BRSK1: variants seen among roughly 807,000 people sequenced by gnomAD.
BRSK1 encodes the protein serine/threonine-protein kinase BRSK1.
BRSK1 carries 17 observed loss-of-function variants against 86.2 expected under a neutral mutation model. The observed-to-expected ratio is 0.20, with a 90% CI of 0.14 to 0.30. The LOEUF (loss-of-function observed/expected upper bound fraction) is 0.30, where lower values mean the gene tolerates loss of function less well. Ranked by LOEUF, BRSK1 falls within the 10% of genes least tolerant of loss-of-function variation. BRSK1 has a pLI of 1.00. For missense variants in BRSK1, 719 were observed against 1,071.9 expected (o/e 0.67, Z 4.60); for synonymous variants, 464 against 440.1 (o/e 1.05, Z -0.68).
chr19:55,285,640 G>A (rs1386690418), intron 1 of BRSK1, among the ~76,000 whole-genome samples: 1 of 152,268 alleles, frequency 6.6e-6, no homozygotes, highest in South Asian at 2.1e-4. Flanking sequence ...TGCAGCAGGC[G>A]CGTCTCCTGG....
Position 55,306,392 on chromosome 19 carries a change from G to T in BRSK1, c.2031G>T (p.Pro677=). 1 of 1,613,940 alleles carries T rather than the reference G, an allele frequency of 6.2e-7. No individual in the cohort carries two copies. Among genetic ancestry groups the T allele is most frequent in the Non-Finnish European group, 8.5e-7 (1 of 1,180,028 alleles). Residue 677 remains proline, a synonymous_variant, in exon 17 of 19, where the codon CCG becomes CCT. Coordinates refer to ENST00000309383, the MANE Select transcript of BRSK1 (RefSeq NM_032430.2). The surrounding 1 kb of genome is among the most constrained non-coding windows in gnomAD (Gnocchi z 4.7). ...CCTCTGAGGGTCCAGAGCCCTCCCC[G>T]CGACGGGACGGCAGCGGAGGTGGTG... ...ISSSEGPEPS[P]RRDGSGGGGI...
In BRSK1 at chr19:55,302,383, G is replaced by A. The variant is rs1273069973; in HGVS notation, c.857+215G>A. 4 of 632,138 alleles carry A rather than the reference G, an allele frequency of 6.3e-6. No individual in the cohort carries two copies. The East Asian group carries it at 8.2e-5, about 13-fold the overall frequency. 39.2% of individuals were successfully genotyped at this position (632,138 alleles called of 1,614,324 possible). ...CTAAGCTAGGAGTCCAGGACTCCCAGGTTTGAGGGAAAAAGGGACTGGGGG... is the reference window on the plus strand; with the variant it reads ...CTAAGCTAGGAGTCCAGGACTCCCAAGTTTGAGGGAAAAAGGGACTGGGGG... On this transcript the variant is annotated intron_variant, in intron 9 of 18. Transcript: ENST00000309383. The surrounding 1 kb of genome is among the most constrained non-coding windows in gnomAD (Gnocchi z 6.3).
chr19:55,301,414 C>T, intron 7 of BRSK1, 98 bp from the exon 8 acceptor site: 3 of 1,438,278 alleles, frequency 2.1e-6, no homozygotes, highest in Non-Finnish European at 2.8e-6. Flanking sequence ...CCTCAGTTTC[C>T]AACCCCTTAA....
At chr19:55,296,139 C>CCA (rs925954711) in intron 7 of BRSK1, among the ~76,000 whole-genome samples, 4 of 152,032 alleles carry the variant, frequency 2.6e-5, no homozygotes, top group Non-Finnish European at 5.9e-5. Flanking sequence ...TCCCCTGCCC[C>CCA]CACTCCTCCT....
At chr19:55,301,372 G>A in intron 7 of BRSK1, 140 bp from the exon 8 acceptor site, 3 of 1,021,462 alleles carry the variant, frequency 2.9e-6, no homozygotes, top group Non-Finnish European at 4.2e-6. Flanking sequence ...GACGAGCTAG[G>A]GGCCTTTGGC....
chr19:55,301,459 T>C (rs2088568149), intron 7 of BRSK1, 53 bp from the exon 8 acceptor site: 1 of 1,587,822 alleles, frequency 6.3e-7, no homozygotes, highest in African/African-American at 1.3e-5. Flanking sequence ...CCTCCAGTGC[T>C]TGTGGTGAGG....
chr19:55,305,798 A>G (rs757832796), intron 16 of BRSK1, among the ~76,000 whole-genome samples: 32 of 152,192 alleles, frequency 2.1e-4, no homozygotes, highest in Non-Finnish European at 3.7e-4. Flanking sequence ...CTGAATTGCA[A>G]TGTCCTCAAG....
At chr19:55,305,441 C>T (rs545094297) in intron 15 of BRSK1, 22 bp from the exon 16 acceptor site, 2 of 1,614,138 alleles carry the variant, frequency 1.2e-6, no homozygotes, top group South Asian at 2.2e-5. Context: ...TAACCCTCCT[C>T]CAACCACCCC....
chr19:55,292,620 C>T lies in BRSK1; in HGVS notation c.459-1397C>T, dbSNP rs563846005. On this transcript the variant is annotated intron_variant, in intron 4 of 18. Transcript: ENST00000309383. ...AGGCCGAGGCAGGTGGATTACCTGA[C>T]GTGAAGAGTTCGAGACCAGCCTGGC... Among the ~76,000 whole-genome samples, 87 of 150,852 alleles carry T rather than the reference C, an allele frequency of 5.8e-4. No individual in the cohort carries two copies. The Middle Eastern group carries it at 0.014, about 24-fold the overall frequency.
rs975180264 is a variant in BRSK1, at chr19:55,287,733, T to G, written c.317+434T>G. On this transcript the variant is annotated intron_variant, in intron 3 of 18. Transcript: ENST00000309383. The surrounding 1 kb of genome is among the most constrained non-coding windows in gnomAD (Gnocchi z 5.3). ...GCCCCCCTCCTCCCCCGGCATAACTTCGGGTGCCGTGGCTGGACACCCCAA... is the reference window on the plus strand; with the variant it reads ...GCCCCCCTCCTCCCCCGGCATAACTGCGGGTGCCGTGGCTGGACACCCCAA... Among the ~76,000 whole-genome samples, 2 of 152,164 alleles carry G rather than the reference T, an allele frequency of 1.3e-5. No individual in the cohort carries two copies. The highest frequency in any genetic ancestry group is 4.8e-5 in the African/African-American group (2 of 41,436).
Position 55,312,113 on chromosome 19 carries a change from CCGTGCCCCCCAA to C in BRSK1, c.*47_*58del. The C allele has an allele frequency of 1.2e-6, 1 of 830,464 alleles. No homozygotes were observed. The highest frequency in any genetic ancestry group is 1.8e-5 in the African/African-American group (1 of 55,832). The allele number at this position is 830,464 out of a possible 1,614,324, so 51.4% of individuals were successfully genotyped here. ...GAGGGGACCCCCCTCCACCCCCCTT[CCGTGCCCCCCAA>C]CTGTGAATCTGTAAATAAGGCCCAA... On this transcript the variant is annotated 3_prime_UTR_variant, in exon 19 of 19. Coordinates refer to ENST00000309383, the MANE Select transcript of BRSK1 (RefSeq NM_032430.2).
chr19:55,305,676 G>A (rs2088639807), intron 16 of BRSK1, 90 bp downstream of exon 16: 3 of 1,569,732 alleles, frequency 1.9e-6, no homozygotes, highest in Non-Finnish European at 2.6e-6. Flanking sequence ...CATAGGCCTG[G>A]CTTCCTCCTG....
At chr19:55,295,492 T>A (rs114424656) in intron 7 of BRSK1, among the ~76,000 whole-genome samples, 2,338 of 152,152 alleles carry the variant, frequency 0.015, 69 homozygotes, top group African/African-American at 0.054. Flanking sequence ...ATCCTGGAGT[T>A]CCCCCACTCT....
At chr19:55,299,865 G>A (rs142398105) in intron 7 of BRSK1, among the ~76,000 whole-genome samples, 5 of 152,022 alleles carry the variant, frequency 3.3e-5, no homozygotes, top group Admixed American at 6.6e-5. Flanking sequence ...CCCATTCTCC[G>A]TCCACAGGCC....
At position 55,304,888 on chromosome 19, in the gene BRSK1, G is replaced by T; in HGVS notation, c.1685G>T (p.Gly562Val). The T allele has an allele frequency of 6.2e-7, 1 of 1,609,318 alleles. No homozygotes were observed. The highest frequency in any genetic ancestry group is 8.5e-7 in the Non-Finnish European group (1 of 1,179,794). Reference protein sequence around the residue: ...RLNSIRNSFLGSPRFHRRKMQ... With the variant: ...RLNSIRNSFLVSPRFHRRKMQ... ...AACTCCATCCGCAACAGCTTCCTGG[G>T]CTCCCCTCGCTTTCACCGGCGCAAG... is the stretch of plus-strand genomic sequence containing the variant. Residue 562 changes from glycine to valine, a missense_variant, in exon 14 of 19, where the codon GGC becomes GTC. By Grantham distance (109) the Gly-to-Val change is moderately radical. Transcript: ENST00000309383. The surrounding 1 kb of genome is among the most constrained non-coding windows in gnomAD (Gnocchi z 5.2).
intron 17 of BRSK1, 90 bp from the exon 18 acceptor site, chr19:55,308,549 C>G: frequency 1.1e-6 from 1 of 894,872 alleles, no homozygotes; most frequent in Non-Finnish European, 1.9e-6. Flanking sequence ...GTGTTGTGTG[C>G]TTGGTGGAGG....
rs1262388803 is a variant in BRSK1, at chr19:55,303,197, A to G, written c.1029-114A>G. ...AGAAACTGACCATACTGATACCTAGAAAAAATGGAACCATGGGCAGAAATA... is the reference window on the plus strand; with the variant it reads ...AGAAACTGACCATACTGATACCTAGGAAAAATGGAACCATGGGCAGAAATA... On this transcript the variant is annotated intron_variant, in intron 10 of 18. Transcript: ENST00000309383. This position sits in a 1 kb window ranked among gnomAD's most constrained non-coding sequence, Gnocchi z 5.1. 1.8e-5 allele frequency: 15 copies of G among 843,668 alleles called. No individual in the cohort carries two copies. The highest frequency in any genetic ancestry group is 2.9e-5 in the Non-Finnish European group (15 of 521,056). The allele number at this position is 843,668 out of a possible 1,614,324, so 52.3% of individuals were successfully genotyped here. A position where few individuals can be genotyped will look rare whatever the true frequency, so the allele number is the denominator to read the frequency against.
In BRSK1 at chr19:55,294,541, G is replaced by A. The variant is rs1036134586; in HGVS notation, c.678+144G>A. On this transcript the variant is annotated intron_variant, in intron 7 of 18. Coordinates refer to ENST00000309383, the MANE Select transcript of BRSK1 (RefSeq NM_032430.2). This position sits in a 1 kb window ranked among gnomAD's most constrained non-coding sequence, Gnocchi z 4.9. ...TTTTGAGACAGAGTCTTGCCCCGTC[G>A]CCTAGGCTGGAGTGCAGTGGTGTGA... The A allele has an allele frequency of 3.2e-5, 35 of 1,085,060 alleles. No homozygotes were observed. Among genetic ancestry groups the A allele is most frequent in the African/African-American group, 1.7e-4 (11 of 63,448 alleles). The allele number at this position is 1,085,060 out of a possible 1,614,324, so 67.2% of individuals were successfully genotyped here.
chr19:55,289,453 G>A, intron 3 of BRSK1, 27 bp from the exon 4 acceptor site: 2 of 1,599,804 alleles, frequency 1.3e-6, no homozygotes, highest in South Asian at 1.1e-5. Context: ...GCCCCTTCCA[G>A]CCCTCTGCCC....
Sources: gnomAD v4.1 joint callset for allele counts (sites outside exome capture counted in the v4.1 genomes callset) on GRCh38, gnomAD v4.1.1 for gene constraint, Gnocchi (gnomAD v3.1) non-coding constraint, MANE v1.5 for transcripts, NCBI Gene and HGNC (gene_info 2026-07-23, HGNC 2026-07-21) for gene names.